Variants in ANXA2 observed in about 807,000 individuals in gnomAD.
ANXA2 encodes annexin A2.
A neutral mutation model predicts 47.3 loss-of-function variants in ANXA2; 28 were observed. The ratio of observed to expected loss-of-function variants is 0.59; its 90% CI spans 0.44 to 0.81. The LOEUF (loss-of-function observed/expected upper bound fraction) is 0.81. Ranked by LOEUF, ANXA2 falls within the 40% of genes least tolerant of loss-of-function variation. The pLI is 0.00. For missense variants in ANXA2, 384 were observed against 414.3 expected (o/e 0.93, Z 0.64); for synonymous variants, 172 against 155.5 (o/e 1.11, Z -0.79).
rs573441432 is a variant in ANXA2 at position 60,359,191 on chromosome 15, A to C, written c.357+1750T>G. Among the ~76,000 whole-genome samples, 8 of 152,348 alleles carry C rather than the reference A, an allele frequency of 5.3e-5. No individual in the cohort carries two copies. The East Asian group carries it at 5.8e-4, about 11-fold the overall frequency. On this transcript the variant is annotated intron_variant, in intron 5 of 12. Coordinates refer to ENST00000451270, the MANE Select transcript of ANXA2 (RefSeq NM_004039.3). ...GCTGGCACAGGGTCAAAGCTTCAGC[A>C]GTTAAAGCACCTTCCATTGGGCCCA... is the stretch of plus-strand genomic sequence containing the variant.
chr15:60,394,657 C>T (rs139627551), intron 1 of ANXA2: 152 of 151,290 alleles, frequency 1.0e-3, no homozygotes, highest in Non-Finnish European at 1.9e-3. Context: ...AGAGATCGTG[C>T]GACTACACTC....
chr15:60,390,162 GAAAA>G (rs910360897), intron 1 of ANXA2: 1 of 489,314 alleles, frequency 2.0e-6, no homozygotes, highest in African/African-American at 2.2e-5. Context: ...CCATTTTGCA[GAAAA>G]AAAAAACAAA....
In ANXA2 at chr15:60,352,100, G is replaced by A. The variant is rs2062358893; in HGVS notation, c.683-281C>T. 6.6e-6 allele frequency among the ~76,000 whole-genome samples: 1 copy of A among 152,160 alleles called. No homozygotes were observed. Among genetic ancestry groups the A allele is most frequent in the African/African-American group, 2.4e-5 (1 of 41,416 alleles). On this transcript the variant is annotated intron_variant, in intron 9 of 12. Transcript: ENST00000451270. The surrounding 1 kb of genome is among the most constrained non-coding windows in gnomAD (Gnocchi z 4.2). ...TTCCATCCGAAAACCATAGGAAACA[G>A]TACAGAGCATGCACCAAAGTCCACT...
chr15:60,365,693 CTT>C (rs2062585175), intron 3 of ANXA2, among the ~76,000 whole-genome samples: 1 of 152,176 alleles, frequency 6.6e-6, no homozygotes, highest in Admixed American at 6.5e-5. Context: ...AAATAAATAA[CTT>C]TTTAAAATGT....
intron 2 of ANXA2, chr15:60,382,729 C>G: frequency 4.2e-6 from 1 of 236,936 alleles, no homozygotes; most frequent in South Asian, 6.6e-5. Flanking sequence ...AGCTGGAGAC[C>G]TGAAGCCAGC....
In ANXA2 at chr15:60,347,555, G is replaced by A. The variant is rs759925999; in HGVS notation, c.*75C>T. 180 of 1,482,272 alleles carry A rather than the reference G, an allele frequency of 1.2e-4. 2 individuals are homozygous for A. Among genetic ancestry groups the A allele is most frequent in the Non-Finnish European group, 1.6e-4 (170 of 1,062,318 alleles). 91.8% of individuals were successfully genotyped at this position (1,482,272 alleles called of 1,614,324 possible). A position where few individuals can be genotyped will look rare whatever the true frequency, so the allele number is the denominator to read the frequency against. On this transcript the variant is annotated 3_prime_UTR_variant, in exon 13 of 13. Coordinates refer to ENST00000451270, the MANE Select transcript of ANXA2 (RefSeq NM_004039.3). ...GGGATGGCCACGGGGACTGTTATTC[G>A]CAAGCTGGTTTTCTAGACCTGTTAG...
At position 60,351,184 on chromosome 15, in the gene ANXA2, T is replaced by C; in HGVS notation, c.837+9A>G. On this transcript the variant is annotated intron_variant, in intron 11 of 12. Transcript: ENST00000451270. ...TGGAAACACAGCTCTCTCAGCCAGCTGCCCTTACCTTCATGGAGTCATACA... is the reference window on the plus strand; with the variant it reads ...TGGAAACACAGCTCTCTCAGCCAGCCGCCCTTACCTTCATGGAGTCATACA... 1.2e-6 allele frequency: 2 copies of C among 1,614,030 alleles called. No homozygotes were observed. The highest frequency in any genetic ancestry group is 1.3e-5 in the African/African-American group (1 of 75,054).
At chr15:60,350,196 A>T (rs1377490624) in intron 11 of ANXA2, among the ~76,000 whole-genome samples, 1 of 151,894 alleles carries the variant, frequency 6.6e-6, no homozygotes, top group African/African-American at 2.4e-5. Flanking sequence ...AGAAAGAAAA[A>T]AAAAGACAAG....
rs564959433 is a variant in ANXA2, at chr15:60,387,291, T to C, written c.-11-1205A>G. On this transcript the variant is annotated intron_variant, in intron 1 of 12. Coordinates refer to ENST00000451270, the MANE Select transcript of ANXA2 (RefSeq NM_004039.3). ...CTTCTTGATGCTCACAGAAGCTTTTTATGCACAGCGAAAAGTCAGTCAAAG... is the reference window on the plus strand; with the variant it reads ...CTTCTTGATGCTCACAGAAGCTTTTCATGCACAGCGAAAAGTCAGTCAAAG... Among the ~76,000 whole-genome samples the C allele has an allele frequency of 2.6e-5, 4 of 152,328 alleles. No individual in the cohort carries two copies. In the East Asian group the frequency reaches 7.7e-4, roughly 29 times the overall value.
intron 1 of ANXA2, among the ~76,000 whole-genome samples, chr15:60,391,508 T>C (rs1566951290): frequency 2.0e-5 from 3 of 152,116 alleles, no homozygotes. Context: ...ACCTAAAATA[T>C]AAGTCTCTGA....
In ANXA2 at chr15:60,385,049, T is replaced by C. The variant is rs528458949; in HGVS notation, c.48+979A>G. Among the ~76,000 whole-genome samples the C allele has an allele frequency of 6.9e-4, 105 of 152,304 alleles. 1 individual carries two copies. The highest frequency in any genetic ancestry group is 2.5e-3 in the African/African-American group (104 of 41,564). Reference sequence around the variant, plus strand: ...TTTGAAATAATTTTAACTTCACATATAGCTTAAATTTTTTATTTGTAAAAA... The same window carrying C: ...TTTGAAATAATTTTAACTTCACATACAGCTTAAATTTTTTATTTGTAAAAA... On this transcript the variant is annotated intron_variant, in intron 2 of 12. Coordinates refer to ENST00000451270, the MANE Select transcript of ANXA2 (RefSeq NM_004039.3).
At chr15:60,385,970 T>C (rs2062927400) in intron 2 of ANXA2, 58 bp downstream of exon 2, 2 of 1,147,422 alleles carry the variant, frequency 1.7e-6, no homozygotes, top group Non-Finnish European at 2.6e-6. Flanking sequence ...AGTAATATGG[T>C]TATCCAGAGA....
At chr15:60,359,468 C>T (rs755805260) in intron 5 of ANXA2, among the ~76,000 whole-genome samples, 15 of 152,134 alleles carry the variant, frequency 9.9e-5, no homozygotes, top group Non-Finnish European at 2.2e-4. Flanking sequence ...GAAATGTTGT[C>T]GACATTTTAT....
chr15:60,349,045 G>A lies in ANXA2; in HGVS notation c.960+30C>T, dbSNP rs200850686. ...AGGGCCCGGGGTGCTCTGGACGGCA[G>A]GGCAGGCTGACACTGCACCTCGGGC... On this transcript the variant is annotated intron_variant, in intron 12 of 12. Transcript: ENST00000451270. 9.8e-5 allele frequency: 158 copies of A among 1,613,308 alleles called. 1 individual carries two copies. Among genetic ancestry groups the A allele is most frequent in the Admixed American group, 7.3e-4 (44 of 60,000 alleles).
At chr15:60,351,541 G>C in intron 10 of ANXA2, 183 bp downstream of exon 10, 1 of 624,524 alleles carries the variant, frequency 1.6e-6, no homozygotes, top group Non-Finnish European at 2.9e-6. Context: ...GCAACAATCT[G>C]TTACCAAGTT....
At chr15:60,388,979 C>G (rs959272070) in intron 1 of ANXA2, among the ~76,000 whole-genome samples, 1 of 151,850 alleles carries the variant, frequency 6.6e-6, no homozygotes, top group Non-Finnish European at 1.5e-5. Context: ...AGCAAGAAAT[C>G]TCTAACTTCA....
At chr15:60,397,345 C>T in intron 1 of ANXA2, 2 of 985,370 alleles carry the variant, frequency 2.0e-6, no homozygotes, top group South Asian at 9.4e-5. Flanking sequence ...TAACCTAGAG[C>T]AAGGGGAATA....
At position 60,365,164 on chromosome 15, in the gene ANXA2, A is replaced by G. The variant is rs1409030713; in HGVS notation, c.149-641T>C. Among the ~76,000 whole-genome samples, 28 of 151,578 alleles carry G rather than the reference A, an allele frequency of 1.8e-4. No individual in the cohort carries two copies. In the Admixed American group the frequency reaches 1.8e-3, roughly 10 times the overall value. On this transcript the variant is annotated intron_variant, in intron 3 of 12. Coordinates refer to ENST00000451270, the MANE Select transcript of ANXA2 (RefSeq NM_004039.3). Reference sequence around the variant, plus strand: ...TTAATCTTCAATAGGCAATTTTAATAATTAATTTTATAACTTTATTAAAAA... The same window carrying G: ...TTAATCTTCAATAGGCAATTTTAATGATTAATTTTATAACTTTATTAAAAA...
Position 60,352,336 on chromosome 15 carries a change from C to A in ANXA2, c.682+47G>T, listed in dbSNP as rs2062362416. ...CAACATGGACATCCACCCAGCCGCCCCAGCCAGGGCCCCAAGGCACTGAGA... is the reference window on the plus strand; with the variant it reads ...CAACATGGACATCCACCCAGCCGCCACAGCCAGGGCCCCAAGGCACTGAGA... On this transcript the variant is annotated intron_variant, in intron 9 of 12. Transcript: ENST00000451270. The surrounding 1 kb of genome is among the most constrained non-coding windows in gnomAD (Gnocchi z 4.2). The A allele has an allele frequency of 4.2e-6, 6 of 1,425,700 alleles. No individual in the cohort carries two copies. The Admixed American group carries it at 7.3e-5, about 17-fold the overall frequency. The allele number at this position is 1,425,700 out of a possible 1,614,324, so 88.3% of individuals were successfully genotyped here.
Sources: gnomAD v4.1 joint callset for allele counts (sites outside exome capture counted in the v4.1 genomes callset) on GRCh38, gnomAD v4.1.1 for gene constraint, Gnocchi (gnomAD v3.1) non-coding constraint, MANE v1.5 for transcripts, NCBI Gene and HGNC (gene_info 2026-07-23, HGNC 2026-07-21) for gene names.